Variants in FOXP1 observed in about 807,000 individuals in gnomAD.
FOXP1 encodes forkhead box P1, also known as forkhead box protein P1.
A neutral mutation model predicts 98.2 loss-of-function variants in FOXP1; 15 were observed. The ratio of observed to expected loss-of-function variants is 0.15; its 90% CI spans 0.10 to 0.24. The LOEUF (loss-of-function observed/expected upper bound fraction) is 0.24, where lower values mean the gene tolerates loss of function less well. FOXP1 is among the 10% of genes least tolerant of loss of function. The pLI is 1.00. For synonymous variants in FOXP1, 371 were observed against 314.5 expected (o/e 1.18, Z -1.90); for missense variants, 633 against 848.5 (o/e 0.75, Z 3.15).
chr3:71,377,898 G>A (rs1389418890), intron 3 of FOXP1, among the ~76,000 whole-genome samples: 2 of 152,086 alleles, frequency 1.3e-5, no homozygotes, highest in African/African-American at 2.4e-5. Context: ...CACAGTTTTT[G>A]TCTATCAGAA....
chr3:71,071,083 A>C (rs1347381283), intron 7 of FOXP1, among the ~76,000 whole-genome samples: 4 of 152,152 alleles, frequency 2.6e-5, no homozygotes, highest in Non-Finnish European at 4.4e-5. Flanking sequence ...TTCTTTCCCT[A>C]ATAGTCACCA....
At chr3:71,484,433 C>T (rs780395489) in intron 3 of FOXP1, among the ~76,000 whole-genome samples, 8 of 152,154 alleles carry the variant, frequency 5.3e-5, no homozygotes, top group Non-Finnish European at 1.0e-4. Context: ...CAAATAGTGC[C>T]ACCTGGAGCA....
At chr3:71,157,886 A>G (rs2060902543) in intron 6 of FOXP1, among the ~76,000 whole-genome samples, 1 of 151,912 alleles carries the variant, frequency 6.6e-6, no homozygotes, top group Non-Finnish European at 1.5e-5. Context: ...CAGGAGTTTG[A>G]GACCAGCCAG....
intron 6 of FOXP1, among the ~76,000 whole-genome samples, chr3:71,175,208 G>A (rs1219545889): frequency 1.3e-5 from 2 of 152,112 alleles, no homozygotes; most frequent in African/African-American, 4.8e-5. Context: ...CACCGCACCC[G>A]GCCTATTTTG....
chr3:71,072,701 T>C (rs1421408009), intron 7 of FOXP1, among the ~76,000 whole-genome samples: 1 of 152,204 alleles, frequency 6.6e-6, no homozygotes, highest in Non-Finnish European at 1.5e-5. Flanking sequence ...ATTTCAACCA[T>C]GCCTGCTTTC....
chr3:71,105,204 G>A (rs1218391067), intron 7 of FOXP1, among the ~76,000 whole-genome samples: 1 of 151,904 alleles, frequency 6.6e-6, no homozygotes, highest in Non-Finnish European at 1.5e-5. Flanking sequence ...TATGGCTTGC[G>A]TTTTCTTTTT....
chr3:71,255,957 A>G (rs1307889854), intron 5 of FOXP1, among the ~76,000 whole-genome samples: 1 of 152,196 alleles, frequency 6.6e-6, no homozygotes, highest in East Asian at 1.9e-4. Flanking sequence ...CCTGGTCTAT[A>G]TTAATCTCAT....
At chr3:71,026,472 G>A (rs1011267535) in intron 11 of FOXP1, among the ~76,000 whole-genome samples, 1 of 152,202 alleles carries the variant, frequency 6.6e-6, no homozygotes. Flanking sequence ...GGGGATGGCA[G>A]AGCCTCACGG....
chr3:71,272,975 C>A (rs1000515034), intron 5 of FOXP1, among the ~76,000 whole-genome samples: 5 of 152,102 alleles, frequency 3.3e-5, no homozygotes, highest in Non-Finnish European at 5.9e-5. Context: ...TCTCTCCCTC[C>A]CCCAGTAGAG....
At chr3:71,358,346 TACAG>T (rs1310064975) in intron 4 of FOXP1, among the ~76,000 whole-genome samples, 1 of 152,156 alleles carries the variant, frequency 6.6e-6, no homozygotes, top group African/African-American at 2.4e-5. Flanking sequence ...AGAAGGAACG[TACAG>T]ACAAACCACA....
At chr3:71,151,090 T>A (rs1215317351) in intron 6 of FOXP1, among the ~76,000 whole-genome samples, 1 of 152,192 alleles carries the variant, frequency 6.6e-6, no homozygotes. Context: ...TGCAAATTCC[T>A]TCTTAGCCCC....
At chr3:71,368,621 A>C (rs1450998923) in intron 3 of FOXP1, among the ~76,000 whole-genome samples, 3 of 152,156 alleles carry the variant, frequency 2.0e-5, no homozygotes, top group African/African-American at 4.8e-5. Context: ...TGGGACTGTC[A>C]CATGATAACT....
At chr3:71,011,931 G>A (rs1165371072) in intron 12 of FOXP1, among the ~76,000 whole-genome samples, 1 of 152,068 alleles carries the variant, frequency 6.6e-6, no homozygotes, top group African/African-American at 2.4e-5. Context: ...TCTTTAATAC[G>A]AAAATTATTC....
At chr3:71,436,249 C>T (rs946329302) in intron 3 of FOXP1, among the ~76,000 whole-genome samples, 1 of 152,064 alleles carries the variant, frequency 6.6e-6, no homozygotes, top group African/African-American at 2.4e-5. Flanking sequence ...GAAAACTTTA[C>T]ACATGTTCAC....
intron 6 of FOXP1, among the ~76,000 whole-genome samples, chr3:71,135,122 G>T (rs1017237358): frequency 4.6e-5 from 7 of 151,786 alleles, no homozygotes; most frequent in Non-Finnish European, 1.5e-5. Context: ...AGCTGGGCGC[G>T]GTGATGCGTG....
At chr3:71,015,334 AC>A (rs1479473658) in intron 12 of FOXP1, among the ~76,000 whole-genome samples, 2 of 152,092 alleles carry the variant, frequency 1.3e-5, no homozygotes, top group East Asian at 1.9e-4. Flanking sequence ...ACTAAGACTT[AC>A]GCCTTTGAAT....
At chr3:71,409,789 G>A (rs925082296) in intron 3 of FOXP1, among the ~76,000 whole-genome samples, 7 of 152,154 alleles carry the variant, frequency 4.6e-5, no homozygotes, top group Non-Finnish European at 1.0e-4. Context: ...TGAGGCAGGC[G>A]AATCACTTGA....
intron 3 of FOXP1, among the ~76,000 whole-genome samples, chr3:71,399,988 C>T (rs909211904): frequency 7.2e-5 from 11 of 152,140 alleles, no homozygotes; most frequent in African/African-American, 2.4e-4. Context: ...AAAATTGAAA[C>T]TCAAAACACC....
intron 5 of FOXP1, among the ~76,000 whole-genome samples, chr3:71,206,945 A>G (rs2064084141): frequency 6.6e-6 from 1 of 152,236 alleles, no homozygotes; most frequent in Non-Finnish European, 1.5e-5. Context: ...AGCAGAATGC[A>G]TACCCACTCC....
Sources: gnomAD v4.1 joint callset for allele counts (sites outside exome capture counted in the v4.1 genomes callset) on GRCh38, gnomAD v4.1.1 for gene constraint, MANE v1.5 for transcripts, NCBI Gene and HGNC (gene_info 2026-07-23, HGNC 2026-07-21) for gene names.